Variants in VWC2 observed in about 807,000 individuals in gnomAD.
The protein encoded by VWC2 is von Willebrand factor C domain containing 2.
A neutral mutation model predicts 29.8 loss-of-function variants in VWC2; 14 were observed. The ratio of observed to expected loss-of-function variants is 0.47; its 90% CI spans 0.31 to 0.74. VWC2 has a LOEUF of 0.74. Among genes scored for constraint, VWC2 ranks in the 30% least tolerant of loss-of-function variants. The pLI is 0.05. For missense variants in VWC2, 457 were observed against 459.8 expected, an observed-to-expected ratio of 0.99 and a Z score of 0.05; for synonymous variants, 213 against 199.0, an observed-to-expected ratio of 1.07 and a Z score of -0.59.
intron 2 of VWC2, among the ~76,000 whole-genome samples, chr7:49,790,221 A>C (rs1006617377): frequency 2.6e-5 from 4 of 152,252 alleles, no homozygotes; most frequent in African/African-American, 9.6e-5. Context: ...AAAAGATGTT[A>C]GTAGACAAGG....
chr7:49,896,450 TA>T (rs1261384385), intron 3 of VWC2, among the ~76,000 whole-genome samples: 3 of 152,072 alleles, frequency 2.0e-5, no homozygotes, highest in Non-Finnish European at 4.4e-5. Flanking sequence ...AAAAAATTCC[TA>T]AATCAATAAT....
At chr7:49,904,394 G>A (rs1317314346) in intron 3 of VWC2, among the ~76,000 whole-genome samples, 1 of 152,046 alleles carries the variant, frequency 6.6e-6, no homozygotes, top group African/African-American at 2.4e-5. Flanking sequence ...GCAACTTCCA[G>A]GTTTGATTTC....
chr7:49,908,068 T>C (rs549298649), intron 3 of VWC2, among the ~76,000 whole-genome samples: 2 of 152,316 alleles, frequency 1.3e-5, no homozygotes, highest in African/African-American at 4.8e-5. Context: ...GTCAAAGAAA[T>C]ATATTTTGGG....
At chr7:49,844,755 C>T (rs748595989) in intron 3 of VWC2, among the ~76,000 whole-genome samples, 11 of 152,076 alleles carry the variant, frequency 7.2e-5, no homozygotes, top group African/African-American at 2.4e-4. Context: ...TGCAATGGCA[C>T]GATCTCAGTT....
chr7:49,808,936 G>T (rs1788935542), intron 3 of VWC2, among the ~76,000 whole-genome samples: 1 of 151,902 alleles, frequency 6.6e-6, no homozygotes, highest in South Asian at 2.1e-4. Flanking sequence ...AAGTAGAAAG[G>T]CCTCAAATCA....
intron 3 of VWC2, among the ~76,000 whole-genome samples, chr7:49,899,249 G>A (rs1196283979): frequency 6.6e-6 from 1 of 151,988 alleles, no homozygotes; most frequent in African/African-American, 2.4e-5. Context: ...CCAAGAATAT[G>A]CTAGACAAGG....
chr7:49,834,852 T>G (rs527240), intron 3 of VWC2, among the ~76,000 whole-genome samples: 2 of 152,190 alleles, frequency 1.3e-5, no homozygotes, highest in Non-Finnish European at 2.9e-5. Context: ...TCAGAAGACC[T>G]GGAGCCACCC....
rs377106359 is a variant in VWC2 at position 49,863,936 on chromosome 7, C to T, written c.827-48098C>T. On this transcript the variant is annotated intron_variant, in intron 3 of 3. Transcript: ENST00000340652. ...TAGCATAGTTTTTTCTGTAAGTTTT[C>T]GTATGTTGTTTTAAAATATTTTTTC... is the stretch of plus-strand genomic sequence containing the variant. 1.6e-3 allele frequency among the ~76,000 whole-genome samples: 238 copies of T among 152,066 alleles called. 3 individuals carry two copies. Among genetic ancestry groups the T allele is most frequent in the African/African-American group, 5.5e-3 (227 of 41,506 alleles).
intron 3 of VWC2, among the ~76,000 whole-genome samples, chr7:49,837,198 T>C (rs1789684213): frequency 6.6e-6 from 1 of 152,218 alleles, no homozygotes; most frequent in Admixed American, 6.5e-5. Context: ...GCAACTGTGA[T>C]ATTCAATGAG....
intron 3 of VWC2, among the ~76,000 whole-genome samples, chr7:49,813,655 AT>A (rs2128707888): frequency 6.6e-6 from 1 of 152,310 alleles, no homozygotes; most frequent in African/African-American, 2.4e-5. Context: ...TGTTTGGTGT[AT>A]TCTACGGATT....
chr7:49,879,278 T>A (rs896847357), intron 3 of VWC2, among the ~76,000 whole-genome samples: 1 of 152,180 alleles, frequency 6.6e-6, no homozygotes, highest in Admixed American at 6.5e-5. Flanking sequence ...ATAATTTCAA[T>A]CTCTAGAGCA....
chr7:49,834,382 A>C (rs535383050), intron 3 of VWC2, among the ~76,000 whole-genome samples: 1 of 152,332 alleles, frequency 6.6e-6, no homozygotes, highest in East Asian at 1.9e-4. Flanking sequence ...AGCTTTCATC[A>C]TACATTAAGA....
At chr7:49,844,154 T>C (rs961650309) in intron 3 of VWC2, among the ~76,000 whole-genome samples, 8 of 152,156 alleles carry the variant, frequency 5.3e-5, no homozygotes, top group African/African-American at 1.7e-4. Context: ...GACCGCAACG[T>C]GGAAAGGTCT....
chr7:49,822,775 G>A (rs1789292400), intron 3 of VWC2, among the ~76,000 whole-genome samples: 1 of 152,186 alleles, frequency 6.6e-6, no homozygotes, highest in Non-Finnish European at 1.5e-5. Context: ...TGGAGTGTGA[G>A]TCTTTGTGTC....
chr7:49,876,409 A>G (rs1791416346), intron 3 of VWC2, among the ~76,000 whole-genome samples: 2 of 152,134 alleles, frequency 1.3e-5, no homozygotes, highest in African/African-American at 4.8e-5. Context: ...TTCCACATCT[A>G]TAGTGTGGGA....
Position 49,809,238 on chromosome 7 carries a change from T to C in VWC2, c.826+6398T>C, listed in dbSNP as rs116774971. Reference sequence around the variant, plus strand: ...AAAAATGAAAATGATTACAAGGCAATACTATGAACAACTCTTTGCCAACAA... The same window carrying C: ...AAAAATGAAAATGATTACAAGGCAACACTATGAACAACTCTTTGCCAACAA... On this transcript the variant is annotated intron_variant, in intron 3 of 3. Transcript: ENST00000340652. Among the ~76,000 whole-genome samples the C allele has an allele frequency of 4.9e-3, 748 of 152,018 alleles. 4 individuals are homozygous for C. The highest frequency in any genetic ancestry group is 0.017 in the African/African-American group (698 of 41,530).
chr7:49,857,573 G>A (rs979331100), intron 3 of VWC2, among the ~76,000 whole-genome samples: 1 of 152,038 alleles, frequency 6.6e-6, no homozygotes, highest in African/African-American at 2.4e-5. Flanking sequence ...AATCATCAGG[G>A]AAATGCAAAT....
intron 2 of VWC2, among the ~76,000 whole-genome samples, chr7:49,792,256 C>T (rs1788477943): frequency 6.6e-6 from 1 of 152,212 alleles, no homozygotes; most frequent in Non-Finnish European, 1.5e-5. Flanking sequence ...GAGCCACTCA[C>T]CGCTGTAAGC....
chr7:49,866,586 G>A (rs1405308177), intron 3 of VWC2, among the ~76,000 whole-genome samples: 1 of 152,110 alleles, frequency 6.6e-6, no homozygotes, highest in African/African-American at 2.4e-5. Flanking sequence ...CAGAAAAGAC[G>A]GAAAACAGCC....
Sources: gnomAD v4.1 joint callset for allele counts (sites outside exome capture counted in the v4.1 genomes callset) on GRCh38, gnomAD v4.1.1 for gene constraint, MANE v1.5 for transcripts, NCBI Gene and HGNC (gene_info 2026-07-23, HGNC 2026-07-21) for gene names.